The following ARHGAP6 variants were observed in gnomAD, a reference collection of about 807,000 sequenced individuals.
ARHGAP6 encodes the protein Rho GTPase activating protein 6.
Under a neutral mutation model 55.7 loss-of-function variants are expected in ARHGAP6, and 16 were observed. The observed-to-expected ratio is 0.29, with a 90% confidence interval of 0.19 to 0.44. The LOEUF (loss-of-function observed/expected upper bound fraction) is 0.44, where lower values mean the gene tolerates loss of function less well. Ranked by LOEUF, ARHGAP6 falls within the 20% of genes least tolerant of loss-of-function variation. ARHGAP6 has a pLI of 1.00. For missense variants in ARHGAP6, 698 were observed against 808.9 expected (o/e 0.86, Z 1.66); for synonymous variants, 382 against 360.9 (o/e 1.06, Z -0.66).
At chrX:11,506,469 T>C in intron 1 of ARHGAP6, among the ~76,000 whole-genome samples, 1 of 109,054 alleles carries the variant, frequency 9.2e-6, no homozygotes, top group African/African-American at 3.4e-5. Context: ...CAACTCCCAC[T>C]TATGAGTGAC....
At chrX:11,160,320 G>T (rs964423293) in intron 9 of ARHGAP6, among the ~76,000 whole-genome samples, 1 of 108,800 alleles carries the variant, frequency 9.2e-6, no homozygotes. Context: ...AGTCGGGCGT[G>T]GTGGTGAGCC....
intron 1 of ARHGAP6, among the ~76,000 whole-genome samples, chrX:11,487,902 G>A (rs1264369275): frequency 8.9e-6 from 1 of 112,186 alleles, no homozygotes; most frequent in Non-Finnish European, 1.9e-5. Flanking sequence ...AATTAATTTA[G>A]CCAAGAAACA....
At chrX:11,435,509 T>A (rs2049979419) in intron 1 of ARHGAP6, among the ~76,000 whole-genome samples, 2 of 111,925 alleles carry the variant, frequency 1.8e-5, no homozygotes, top group Admixed American at 9.5e-5. Context: ...TTGGGTGGGT[T>A]TTTAAAAATA....
At chrX:11,395,380 A>G (rs909991032) in intron 1 of ARHGAP6, among the ~76,000 whole-genome samples, 1 of 112,722 alleles carries the variant, frequency 8.9e-6, no homozygotes, top group Admixed American at 9.4e-5. Context: ...ATATTCATCA[A>G]AAAACAAAAA....
rs372077785 is a variant in ARHGAP6, at chrX:11,447,662, G to T, written c.589-192955C>A. Among the ~76,000 whole-genome samples, 5 of 112,057 alleles carry T rather than the reference G, an allele frequency of 4.5e-5. No individual in the cohort carries two copies. In the South Asian group the frequency reaches 1.5e-3, roughly 33 times the overall value. ...TTAGATTCCTGGGTCTCTTCCAAGT[G>T]AATACTTTTACACAGGGGTACTTGT... On this transcript the variant is annotated intron_variant, in intron 1 of 12. Coordinates refer to ENST00000337414, the MANE Select transcript of ARHGAP6 (RefSeq NM_013427.3).
chrX:11,509,733 C>A lies in ARHGAP6; in HGVS notation c.588+154508G>T, dbSNP rs144107430. ...TTATCAGAAAAGAAAATCCAGAAAG[C>A]AAAGATGGTTAGAAAAACATAAGAC... On this transcript the variant is annotated intron_variant, in intron 1 of 12. Coordinates refer to ENST00000337414, the MANE Select transcript of ARHGAP6 (RefSeq NM_013427.3). Among the ~76,000 whole-genome samples, 406 of 112,209 alleles carry A rather than the reference C, an allele frequency of 3.6e-3. 2 individuals are homozygous for A. Among genetic ancestry groups the A allele is most frequent in the African/African-American group, 0.013 (392 of 30,951 alleles).
intron 1 of ARHGAP6, among the ~76,000 whole-genome samples, chrX:11,512,764 A>C (rs1291450776): frequency 2.7e-5 from 3 of 111,552 alleles, no homozygotes; most frequent in African/African-American, 9.8e-5. Context: ...AAACATATGA[A>C]AGAGGTAGCC....
intron 1 of ARHGAP6, among the ~76,000 whole-genome samples, chrX:11,449,174 T>C (rs1338487512): frequency 8.9e-6 from 1 of 111,741 alleles, no homozygotes; most frequent in East Asian, 2.8e-4. Flanking sequence ...CATGTCAGAA[T>C]TCTCTCTTGA....
chrX:11,492,397 A>G (rs1484270614), intron 1 of ARHGAP6, among the ~76,000 whole-genome samples: 4 of 111,849 alleles, frequency 3.6e-5, no homozygotes, highest in African/African-American at 9.8e-5. Context: ...CAAACATTCT[A>G]TATCAGAATG....
At chrX:11,224,176 CAGAAAGATGAAGA>C (rs1245202247) in intron 2 of ARHGAP6, 39 of 122,990 alleles carry the variant, frequency 3.2e-4, no homozygotes, top group Non-Finnish European at 6.2e-4. Flanking sequence ...CACAGGTGAG[CAGAAAGATGAAGA>C]AGAAAGAAGA....
At chrX:11,450,735 G>A (rs1009398857) in intron 1 of ARHGAP6, among the ~76,000 whole-genome samples, 1 of 111,971 alleles carries the variant, frequency 8.9e-6, no homozygotes, top group Admixed American at 9.4e-5. Context: ...CTATGAACCG[G>A]TGTGGGCAGA....
intron 1 of ARHGAP6, among the ~76,000 whole-genome samples, chrX:11,625,474 G>A (rs956410664): frequency 9.0e-6 from 1 of 111,075 alleles, no homozygotes; most frequent in African/African-American, 3.3e-5. Flanking sequence ...ACTCATATGT[G>A]GGAGCTAAAA....
In ARHGAP6 at chrX:11,173,959, C is replaced by G. The variant is rs767943631; in HGVS notation, c.1629+4141G>C. Among the ~76,000 whole-genome samples the G allele has an allele frequency of 5.4e-5, 6 of 110,910 alleles. No individual in the cohort carries two copies. The Admixed American group carries it at 5.7e-4, about 11-fold the overall frequency. On this transcript the variant is annotated intron_variant, in intron 8 of 12. Coordinates refer to ENST00000337414, the MANE Select transcript of ARHGAP6 (RefSeq NM_013427.3). ...AGGTTTCATCTATGTTGCAATCCCC[C>G]CAAACAACACCCTAACAAATAGATA...
intron 2 of ARHGAP6, among the ~76,000 whole-genome samples, chrX:11,244,620 G>A (rs1179064481): frequency 1.8e-5 from 2 of 112,020 alleles, no homozygotes; most frequent in African/African-American, 3.2e-5. Context: ...GGGAAACCAA[G>A]AAAAAAGGCA....
intron 1 of ARHGAP6, among the ~76,000 whole-genome samples, chrX:11,381,207 T>C (rs1603153551): frequency 8.9e-6 from 1 of 112,713 alleles, no homozygotes; most frequent in East Asian, 2.8e-4. Context: ...CAGAGTTACC[T>C]ACCTAGAAGG....
intron 1 of ARHGAP6, among the ~76,000 whole-genome samples, chrX:11,591,954 T>C (rs1322770467): frequency 8.9e-6 from 1 of 111,980 alleles, no homozygotes; most frequent in East Asian, 2.8e-4. Flanking sequence ...TCTGCAACTT[T>C]TCTACCTCAA....
intron 1 of ARHGAP6, among the ~76,000 whole-genome samples, chrX:11,341,708 A>G (rs972687601): frequency 2.7e-5 from 3 of 112,123 alleles, no homozygotes; most frequent in African/African-American, 9.7e-5. Context: ...TCACAGCTGA[A>G]CAATGTTTCT....
intron 2 of ARHGAP6, among the ~76,000 whole-genome samples, chrX:11,205,755 CCTT>C (rs1281337125): frequency 2.7e-5 from 3 of 111,770 alleles, no homozygotes; most frequent in Non-Finnish European, 1.9e-5. Flanking sequence ...AATAATTTGT[CCTT>C]CTTCCTTATG....
intron 1 of ARHGAP6, among the ~76,000 whole-genome samples, chrX:11,357,066 T>C (rs1189142184): frequency 2.7e-5 from 3 of 111,589 alleles, no homozygotes; most frequent in Admixed American, 9.5e-5. Flanking sequence ...CTCTCCTTAA[T>C]CCATTGAAAC....
Sources: allele counts gnomAD v4.1 joint callset (sites outside exome capture counted in the v4.1 genomes callset), GRCh38; gene constraint gnomAD v4.1.1; transcripts MANE v1.5; gene names NCBI Gene and HGNC (gene_info 2026-07-23, HGNC 2026-07-21).